Variants in NCOA2 observed in about 807,000 individuals in gnomAD.
NCOA2 encodes the protein nuclear receptor coactivator 2.
NCOA2 carries 21 observed loss-of-function variants against 145.1 expected under a neutral mutation model. That is an observed-to-expected ratio of 0.14 (90% CI 0.10 to 0.21). The LOEUF (loss-of-function observed/expected upper bound fraction) is 0.21, where lower values mean the gene tolerates loss of function less well. Ranked by LOEUF, NCOA2 falls within the 10% of genes least tolerant of loss-of-function variation. The pLI is 1.00. For synonymous variants in NCOA2, 619 were observed against 637.5 expected (o/e 0.97, Z 0.44); for missense variants, 1,472 against 1,837.6 (o/e 0.80, Z 3.64).
chr8:70,182,236 G>A (rs978414586), intron 4 of NCOA2, among the ~76,000 whole-genome samples: 7 of 152,194 alleles, frequency 4.6e-5, no homozygotes, highest in African/African-American at 1.2e-4. Flanking sequence ...AACCTAAGCC[G>A]CAAGTTGCCT....
intron 2 of NCOA2, among the ~76,000 whole-genome samples, chr8:70,239,690 A>G (rs1821955157): frequency 6.6e-6 from 1 of 152,228 alleles, no homozygotes; most frequent in Non-Finnish European, 1.5e-5. Context: ...CCAGACAAAG[A>G]CAATGGTGAT....
At chr8:70,294,934 T>C (rs1826975277) in intron 2 of NCOA2, among the ~76,000 whole-genome samples, 1 of 152,224 alleles carries the variant, frequency 6.6e-6, no homozygotes, top group Non-Finnish European at 1.5e-5. Flanking sequence ...GTAAAATAGA[T>C]GTGAATCAGA....
At chr8:70,387,383 G>C (rs1464566093) in intron 1 of NCOA2, among the ~76,000 whole-genome samples, 1 of 152,178 alleles carries the variant, frequency 6.6e-6, no homozygotes, top group African/African-American at 2.4e-5. Flanking sequence ...TTTAGATATA[G>C]TTTAAGAATG....
chr8:70,226,612 A>C (rs76111619), intron 2 of NCOA2, among the ~76,000 whole-genome samples: 4,685 of 151,120 alleles, frequency 0.031, 238 homozygotes, highest in African/African-American at 0.11. Context: ...AACAATTTCC[A>C]ACCTACTAAA....
intron 1 of NCOA2, among the ~76,000 whole-genome samples, chr8:70,308,894 G>C (rs964752424): frequency 6.6e-6 from 1 of 152,182 alleles, no homozygotes; most frequent in African/African-American, 2.4e-5. Context: ...ACTCTTTGCT[G>C]CTACTCTCAT....
the NCOA2 span, among the ~76,000 whole-genome samples, chr8:70,443,589 C>G: frequency 6.6e-5 from 10 of 152,022 alleles, no homozygotes; most frequent in Non-Finnish European, 1.5e-4. Flanking sequence ...GAGACAAAGT[C>G]TTACTCTGTG....
chr8:70,372,326 A>G (rs1416999678), intron 1 of NCOA2, among the ~76,000 whole-genome samples: 1 of 152,218 alleles, frequency 6.6e-6, no homozygotes, highest in Non-Finnish European at 1.5e-5. Context: ...GGGAAAAGGA[A>G]TATAACTCTT....
At chr8:70,446,872 CTA>C in the NCOA2 span, among the ~76,000 whole-genome samples, 1 of 152,206 alleles carries the variant, frequency 6.6e-6, no homozygotes, top group Non-Finnish European at 1.5e-5. Context: ...TCACCCCAAA[CTA>C]TGCACAAAAT....
intron 1 of NCOA2, among the ~76,000 whole-genome samples, chr8:70,301,969 T>C (rs527836671): frequency 6.6e-6 from 1 of 152,264 alleles, no homozygotes; most frequent in South Asian, 2.1e-4. Flanking sequence ...TTTATACCCA[T>C]AGTGTACACT....
At chr8:70,424,193 C>A in the NCOA2 span, 69 of 281,072 alleles carry the variant, frequency 2.5e-4, no homozygotes, top group Admixed American at 1.4e-3. Flanking sequence ...TGGCTTCAGA[C>A]ACGAAGACCC....
chr8:70,123,637 C>T (rs1187113811), intron 21 of NCOA2, among the ~76,000 whole-genome samples: 1 of 151,868 alleles, frequency 6.6e-6, no homozygotes, highest in Non-Finnish European at 1.5e-5. Flanking sequence ...AGAAAAATGT[C>T]AATGATAAGA....
intron 22 of NCOA2, among the ~76,000 whole-genome samples, chr8:70,115,708 A>G (rs1430671477): frequency 6.6e-6 from 1 of 152,234 alleles, no homozygotes; most frequent in Non-Finnish European, 1.5e-5. Context: ...ATCTATTTAA[A>G]TATATCTAAA....
intron 2 of NCOA2, among the ~76,000 whole-genome samples, chr8:70,260,539 G>A (rs1298116679): frequency 6.6e-6 from 1 of 152,146 alleles, no homozygotes; most frequent in African/African-American, 2.4e-5. Flanking sequence ...AGGATGAAGG[G>A]TCTATCTACA....
intron 15 of NCOA2, among the ~76,000 whole-genome samples, chr8:70,135,903 A>G (rs1809670647): frequency 6.6e-6 from 1 of 152,324 alleles, no homozygotes; most frequent in East Asian, 1.9e-4. Flanking sequence ...ACTAAGAAGG[A>G]GAATTAGGTC....
chr8:70,295,274 A>G (rs1327445166), intron 2 of NCOA2, among the ~76,000 whole-genome samples: 1 of 152,224 alleles, frequency 6.6e-6, no homozygotes, highest in Non-Finnish European at 1.5e-5. Flanking sequence ...AAAAAACGAA[A>G]TAAGTTACAT....
chr8:70,417,255 A>AAAAAAAAAAAAAAG, the NCOA2 span, among the ~76,000 whole-genome samples: 1 of 148,626 alleles, frequency 6.7e-6, no homozygotes, highest in African/African-American at 2.5e-5. Flanking sequence ...TAAAAAAAAA[A>AAAAAAAAAAAAAAG]AAAAAAAAAA....
chr8:70,218,251 C>T (rs1309305755), intron 2 of NCOA2, among the ~76,000 whole-genome samples: 1 of 136,366 alleles, frequency 7.3e-6, no homozygotes, highest in Non-Finnish European at 1.5e-5. Flanking sequence ...TGAAGAAATA[C>T]TGTATCCGTT....
At chr8:70,244,644 G>A (rs1403738390) in intron 2 of NCOA2, among the ~76,000 whole-genome samples, 2 of 152,020 alleles carry the variant, frequency 1.3e-5, no homozygotes, top group Non-Finnish European at 2.9e-5. Flanking sequence ...AAGGTAGAAA[G>A]ATAAAGCTTA....
At chr8:70,397,082 T>C (rs1813737055) in intron 1 of NCOA2, among the ~76,000 whole-genome samples, 1 of 152,230 alleles carries the variant, frequency 6.6e-6, no homozygotes, top group South Asian at 2.1e-4. Context: ...AAAAAGCCTG[T>C]ATCAGGTTCC....
Sources: gnomAD v4.1 joint callset for allele counts (sites outside exome capture counted in the v4.1 genomes callset) on GRCh38, gnomAD v4.1.1 for gene constraint, MANE v1.5 for transcripts, NCBI Gene and HGNC (gene_info 2026-07-23, HGNC 2026-07-21) for gene names.